The following THADA variants were observed in gnomAD, a reference collection of about 807,000 sequenced individuals.
The protein encoded by THADA is tRNA (32-2'-O)-methyltransferase regulator THADA.
In THADA, 213 loss-of-function variants were observed where a neutral mutation model predicts 219.8. That is an observed-to-expected ratio of 0.97 (90% CI 0.87 to 1.09). The LOEUF (loss-of-function observed/expected upper bound fraction) is 1.09, where lower values mean the gene tolerates loss of function less well. THADA is among the 50% of genes least tolerant of loss of function. The pLI, the probability that THADA is intolerant of heterozygous loss-of-function variation, is 0.00. For synonymous variants in THADA, 1,018 were observed against 828.9 expected (o/e 1.23, Z -3.92); for missense variants, 2,956 against 2,311.3 (o/e 1.28, Z -5.72).
chr2:43,304,660 C>T (rs1676641185), intron 31 of THADA, among the ~76,000 whole-genome samples: 1 of 150,924 alleles, frequency 6.6e-6, no homozygotes. Flanking sequence ...CGAAAAAATA[C>T]AGAGCAGACT....
chr2:43,549,080 TA>T (rs1696436753), intron 20 of THADA, 129 bp downstream of exon 20: 1 of 922,752 alleles, frequency 1.1e-6, no homozygotes, highest in Non-Finnish European at 1.5e-6. Flanking sequence ...ACAAAATTTT[TA>T]AAAAACTTTA....
chr2:43,467,181 CAAA>C (rs70963399), intron 26 of THADA, among the ~76,000 whole-genome samples: 7,965 of 57,132 alleles, frequency 0.14, 57 homozygotes, highest in South Asian at 0.22. Context: ...GACTCCGTCT[CAAA>C]AAAAAAAAAA....
intron 34 of THADA, among the ~76,000 whole-genome samples, chr2:43,288,630 G>A (rs1674330286): frequency 6.6e-6 from 1 of 152,074 alleles, no homozygotes; most frequent in Non-Finnish European, 1.5e-5. Flanking sequence ...CACTCTCCTG[G>A]CACATGAGTA....
intron 15 of THADA, among the ~76,000 whole-genome samples, chr2:43,562,048 A>C (rs202080494): frequency 6.6e-6 from 1 of 152,138 alleles, no homozygotes; most frequent in East Asian, 1.9e-4. Flanking sequence ...TATTACATTG[A>C]CTATTATTCT....
intron 26 of THADA, among the ~76,000 whole-genome samples, chr2:43,438,243 A>T (rs1189030129): frequency 1.4e-5 from 2 of 139,286 alleles, no homozygotes; most frequent in African/African-American, 5.2e-5. Flanking sequence ...CGGAGCTTGC[A>T]GTGAGCCGAG....
chr2:43,571,487 A>C (rs1170274967), intron 13 of THADA, among the ~76,000 whole-genome samples: 1 of 151,910 alleles, frequency 6.6e-6, no homozygotes, highest in Non-Finnish European at 1.5e-5. Flanking sequence ...CCTGAAAAAA[A>C]ATGGTGGGGG....
At chr2:43,584,436 A>C (rs1354282037) in intron 7 of THADA, among the ~76,000 whole-genome samples, 9 of 152,212 alleles carry the variant, frequency 5.9e-5, no homozygotes, top group African/African-American at 2.2e-4. Flanking sequence ...CCACCTTTAC[A>C]CGATGAGCAT....
intron 26 of THADA, among the ~76,000 whole-genome samples, chr2:43,433,754 T>C (rs1038804228): frequency 3.3e-5 from 5 of 151,934 alleles, no homozygotes; most frequent in African/African-American, 1.2e-4. Flanking sequence ...GTGGTGCAAT[T>C]TCGGCTCACT....
intron 29 of THADA, among the ~76,000 whole-genome samples, chr2:43,365,598 C>CAT (rs1491046008): frequency 1.3e-5 from 2 of 151,508 alleles, no homozygotes; most frequent in Non-Finnish European, 2.9e-5. Flanking sequence ...CACACACACA[C>CAT]GCACAAAATG....
At chr2:43,244,201 G>A (rs1668902710) in intron 36 of THADA, among the ~76,000 whole-genome samples, 1 of 152,150 alleles carries the variant, frequency 6.6e-6, no homozygotes, top group African/African-American at 2.4e-5. Context: ...GAGTTAAAAA[G>A]TGTGCACTTC....
intron 17 of THADA, among the ~76,000 whole-genome samples, chr2:43,553,952 T>C (rs1697048926): frequency 6.6e-6 from 1 of 152,238 alleles, no homozygotes; most frequent in Non-Finnish European, 1.5e-5. Context: ...CTTTGTCCAA[T>C]TGTAAAATGT....
At chr2:43,426,442 A>C (rs1678434639) in intron 28 of THADA, among the ~76,000 whole-genome samples, 2 of 152,194 alleles carry the variant, frequency 1.3e-5, no homozygotes, top group South Asian at 4.1e-4. Context: ...CAACTTTCTG[A>C]AAACATTTCT....
chr2:43,255,008 C>A (rs898943863), intron 36 of THADA, among the ~76,000 whole-genome samples: 1 of 152,128 alleles, frequency 6.6e-6, no homozygotes, highest in South Asian at 2.1e-4. Context: ...CAAAACCAAC[C>A]AAAGCAGCTT....
intron 36 of THADA, among the ~76,000 whole-genome samples, chr2:43,257,211 G>T (rs914384317): frequency 6.6e-6 from 1 of 152,220 alleles, no homozygotes. Context: ...AACACAGGGG[G>T]ACGTCAGAAA....
intron 22 of THADA, among the ~76,000 whole-genome samples, chr2:43,520,709 TATATACACAC>T (rs1692299165): frequency 7.9e-6 from 1 of 126,326 alleles, no homozygotes; most frequent in Non-Finnish European, 1.7e-5. Context: ...TACGTATATA[TATATACACAC>T]ACACACACAC....
At chr2:43,263,788 A>G (rs1200965766) in intron 36 of THADA, among the ~76,000 whole-genome samples, 2 of 152,222 alleles carry the variant, frequency 1.3e-5, no homozygotes, top group Non-Finnish European at 2.9e-5. Context: ...GGTTTGTTAC[A>G]AAGGTAAATG....
At chr2:43,534,997 G>A (rs1000064077) in intron 21 of THADA, among the ~76,000 whole-genome samples, 8 of 151,898 alleles carry the variant, frequency 5.3e-5, no homozygotes, top group Admixed American at 6.6e-5. Flanking sequence ...CCACATTCCT[G>A]CCATCATTTG....
chr2:43,359,439 G>C (rs1669242001), intron 29 of THADA, among the ~76,000 whole-genome samples: 1 of 152,230 alleles, frequency 6.6e-6, no homozygotes, highest in Non-Finnish European at 1.5e-5. Flanking sequence ...CAGGACTTTG[G>C]GAGGCTGAGG....
chr2:43,536,489 AG>A (rs1694620183), intron 21 of THADA, among the ~76,000 whole-genome samples: 1 of 152,246 alleles, frequency 6.6e-6, no homozygotes, highest in Non-Finnish European at 1.5e-5. Flanking sequence ...TAAAATTTAA[AG>A]AACAGAAATT....
Sources: allele counts gnomAD v4.1 joint callset (sites outside exome capture counted in the v4.1 genomes callset), GRCh38; gene constraint gnomAD v4.1.1; transcripts MANE v1.5; gene names NCBI Gene and HGNC (gene_info 2026-07-23, HGNC 2026-07-21).